The following SYT9 variants were observed in gnomAD, a reference collection of about 807,000 sequenced individuals.
SYT9 encodes the protein synaptotagmin-9.
Under a neutral mutation model 48.4 loss-of-function variants are expected in SYT9, and 22 were observed. That is an observed-to-expected ratio of 0.45 (90% CI 0.32 to 0.65). The LOEUF (loss-of-function observed/expected upper bound fraction) is 0.65. Ranked by LOEUF, SYT9 falls within the 30% of genes least tolerant of loss-of-function variation. The pLI, the probability that SYT9 is intolerant of heterozygous loss-of-function variation, is 0.03. For synonymous variants in SYT9, 265 were observed against 245.0 expected, an observed-to-expected ratio of 1.08 and a Z score of -0.76; for missense variants, 577 against 622.0, an observed-to-expected ratio of 0.93 and a Z score of 0.77.
At chr11:7,360,189 C>T (rs1029374879) in intron 3 of SYT9, among the ~76,000 whole-genome samples, 1 of 152,184 alleles carries the variant, frequency 6.6e-6, no homozygotes, top group Non-Finnish European at 1.5e-5. Flanking sequence ...TCTGAGGGCT[C>T]TGTTCTGCTC....
At chr11:7,424,057 G>A (rs1847406021) in intron 6 of SYT9, among the ~76,000 whole-genome samples, 1 of 152,116 alleles carries the variant, frequency 6.6e-6, no homozygotes, top group African/African-American at 2.4e-5. Flanking sequence ...AGGCTGGCCT[G>A]GCAGAAGCTC....
chr11:7,394,794 A>G (rs1846715146), intron 3 of SYT9, among the ~76,000 whole-genome samples: 1 of 152,130 alleles, frequency 6.6e-6, no homozygotes, highest in Middle Eastern at 3.4e-3. Flanking sequence ...AGATTTTTCT[A>G]TCTTCTTGAT....
intron 1 of SYT9, among the ~76,000 whole-genome samples, chr11:7,281,632 G>T (rs2133903087): frequency 6.6e-6 from 1 of 152,286 alleles, no homozygotes; most frequent in East Asian, 1.9e-4. Flanking sequence ...GAATTTATTT[G>T]ATGTGTAAAA....
chr11:7,440,065 A>G (rs1847800446), intron 6 of SYT9: 1 of 152,238 alleles, frequency 6.6e-6, no homozygotes, highest in Non-Finnish European at 1.5e-5. Flanking sequence ...AAGCACTCCC[A>G]TCTAGACTCT....
chr11:7,403,481 G>T (rs926165521), intron 3 of SYT9, among the ~76,000 whole-genome samples: 7 of 152,152 alleles, frequency 4.6e-5, no homozygotes, highest in Admixed American at 2.0e-4. Context: ...GAGCCTAGGA[G>T]ATTGAGGCTG....
chr11:7,392,715 A>G (rs1846654255), intron 3 of SYT9, among the ~76,000 whole-genome samples: 1 of 152,198 alleles, frequency 6.6e-6, no homozygotes, highest in African/African-American at 2.4e-5. Flanking sequence ...TTTTAACAAT[A>G]GTGATTCCTC....
chr11:7,412,886 C>A (rs1333248789), intron 3 of SYT9, among the ~76,000 whole-genome samples: 1 of 152,174 alleles, frequency 6.6e-6, no homozygotes, highest in Non-Finnish European at 1.5e-5. Flanking sequence ...GCACCTCAGA[C>A]CCTGGGAAGA....
intron 6 of SYT9, chr11:7,453,861 G>A (rs1269083297): frequency 1.1e-5 from 4 of 354,014 alleles, no homozygotes; most frequent in African/African-American, 4.5e-5. Flanking sequence ...AGAGGAGGCC[G>A]AAAGGGAGTC....
chr11:7,294,871 CTTCAGGA>C (rs974105531), intron 1 of SYT9, among the ~76,000 whole-genome samples: 1 of 152,220 alleles, frequency 6.6e-6, no homozygotes, highest in African/African-American at 2.4e-5. Context: ...TGTGAGTCTT[CTTCAGGA>C]TTCTTGATAA....
chr11:7,249,874 G>GT (rs1357492813), upstream of SYT9, among the ~76,000 whole-genome samples: 2 of 152,148 alleles, frequency 1.3e-5, no homozygotes, highest in East Asian at 1.9e-4. Flanking sequence ...ACACTTTTTA[G>GT]TTTTTTCTCT....
chr11:7,354,320 G>A (rs1849976219), intron 3 of SYT9, among the ~76,000 whole-genome samples: 1 of 152,096 alleles, frequency 6.6e-6, no homozygotes, highest in Non-Finnish European at 1.5e-5. Context: ...CACTTCATTG[G>A]CTCACCATCA....
At chr11:7,298,601 G>T (rs181563626) in intron 1 of SYT9, among the ~76,000 whole-genome samples, 1 of 151,802 alleles carries the variant, frequency 6.6e-6, no homozygotes, top group Non-Finnish European at 1.5e-5. Flanking sequence ...GTGAGTATGT[G>T]GGCTTAAATT....
At chr11:7,274,063 A>G (rs191654695) in intron 1 of SYT9, among the ~76,000 whole-genome samples, 2 of 152,366 alleles carry the variant, frequency 1.3e-5, no homozygotes, top group East Asian at 3.9e-4. Context: ...AACTTAAAGT[A>G]AAACAAACAA....
intron 1 of SYT9, among the ~76,000 whole-genome samples, chr11:7,287,348 C>G (rs1307213374): frequency 6.6e-6 from 1 of 152,162 alleles, no homozygotes; most frequent in Non-Finnish European, 1.5e-5. Flanking sequence ...GGGTCACTCC[C>G]ATGATATGTG....
chr11:7,358,685 A>T (rs1487922996), intron 3 of SYT9, among the ~76,000 whole-genome samples: 1 of 152,216 alleles, frequency 6.6e-6, no homozygotes. Flanking sequence ...TAATGAGAAG[A>T]TAATATTGTT....
rs11041360 is a variant in SYT9 at position 7,412,417 on chromosome 11, G to A, written c.1045-3625G>A. ...TTTGATTTTGGATGCAAGCAATAGC[G>A]TAGTTTCTGTATGATCTCCTTGGCT... is the stretch of plus-strand genomic sequence containing the variant. On this transcript the variant is annotated intron_variant, in intron 3 of 6. Transcript: ENST00000318881. 6.7e-3 allele frequency among the ~76,000 whole-genome samples: 1,019 copies of A among 152,322 alleles called. 11 individuals carry two copies. The highest frequency in any genetic ancestry group is 0.023 in the African/African-American group (973 of 41,570).
chr11:7,252,022 G>C lies in SYT9; in HGVS notation c.-165G>C. The C allele has an allele frequency of 1.3e-6, 1 of 741,258 alleles. No homozygotes were observed. The highest frequency in any genetic ancestry group is 4.3e-4 in the Middle Eastern group (1 of 2,352). The allele number at this position is 741,258 out of a possible 1,614,324, so 45.9% of individuals were successfully genotyped here. On this transcript the variant is annotated 5_prime_UTR_variant, in exon 1 of 7. Coordinates refer to ENST00000318881, the MANE Select transcript of SYT9 (RefSeq NM_175733.4). This position sits in a 1 kb window ranked among gnomAD's most constrained non-coding sequence, Gnocchi z 6.3. ...GAAGAGCTGCATGCAACCGGTGGGA[G>C]GCCGGGCCGGCTGGGTCTGGGGCTC...
intron 3 of SYT9, among the ~76,000 whole-genome samples, chr11:7,386,663 G>T (rs2134053917): frequency 6.6e-6 from 1 of 152,286 alleles, no homozygotes; most frequent in African/African-American, 2.4e-5. Context: ...TGCTGGAGAG[G>T]ATGTGGAGAA....
intron 3 of SYT9, among the ~76,000 whole-genome samples, chr11:7,410,380 A>AT (rs1214985973): frequency 6.6e-6 from 1 of 152,134 alleles, no homozygotes; most frequent in East Asian, 1.9e-4. Flanking sequence ...TTTAAATCCA[A>AT]TTTTTTGTTG....
Sources: allele counts gnomAD v4.1 joint callset (sites outside exome capture counted in the v4.1 genomes callset), GRCh38; gene constraint gnomAD v4.1.1; non-coding constraint Gnocchi (gnomAD v3.1); transcripts MANE v1.5; gene names NCBI Gene and HGNC (gene_info 2026-07-23, HGNC 2026-07-21).